Variants in PCDHGB1 observed in about 807,000 individuals in gnomAD.
The protein encoded by PCDHGB1 is protocadherin gamma subfamily B, 1, also known as protocadherin gamma-B1.
In PCDHGB1, 34 loss-of-function variants were observed where a neutral mutation model predicts 56.6. The ratio of observed to expected loss-of-function variants is 0.60; its 90% CI spans 0.46 to 0.80. PCDHGB1 has a LOEUF of 0.80. PCDHGB1 is among the 30% of genes least tolerant of loss of function. The pLI is 0.00. For missense variants in PCDHGB1, 1,278 were observed against 1,204.6 expected (o/e 1.06, Z -0.90); for synonymous variants, 561 against 505.9 (o/e 1.11, Z -1.46).
chr5:141,375,967 G>T, intron 1 of PCDHGB1: 2 of 1,613,372 alleles, frequency 1.2e-6, no homozygotes, highest in East Asian at 2.2e-5. Flanking sequence ...AGGTGCGCAC[G>T]GCGCGCGCCC....
intron 1 of PCDHGB1, chr5:141,400,146 C>A (rs1444566578): frequency 6.2e-7 from 1 of 1,614,080 alleles, no homozygotes; most frequent in South Asian, 1.1e-5. Flanking sequence ...ATATCACTGA[C>A]CGCCCTGTAC....
intron 1 of PCDHGB1, among the ~76,000 whole-genome samples, chr5:141,465,038 G>T (rs1297185291): frequency 6.6e-6 from 1 of 151,642 alleles, no homozygotes; most frequent in Non-Finnish European, 1.5e-5. Flanking sequence ...CACCACAAAT[G>T]ACCCTATATA....
intron 1 of PCDHGB1, chr5:141,375,931 T>G (rs746995876): frequency 2.5e-6 from 4 of 1,613,540 alleles, no homozygotes; most frequent in Non-Finnish European, 3.4e-6. Context: ...AGCCAGGACT[T>G]TTCTCAGTGG....
Position 141,487,323 on chromosome 5 carries a change from G to T in PCDHGB1, c.2410-7484G>T. The T allele has an allele frequency of 6.2e-7, 1 of 1,614,100 alleles. No homozygotes were observed. The highest frequency in any genetic ancestry group is 8.5e-7 in the Non-Finnish European group (1 of 1,180,004). On this transcript the variant is annotated intron_variant, in intron 1 of 3. Coordinates refer to ENST00000523390, the MANE Select transcript of PCDHGB1 (RefSeq NM_018922.3). This position sits in a 1 kb window ranked among gnomAD's most constrained non-coding sequence, Gnocchi z 5.0. ...GTGGCACTACTCTCTAAGTGTCTTC[G>T]TGGGGCAGCCTGTGGAGTCACATGC... is the stretch of plus-strand genomic sequence containing the variant.
chr5:141,368,284 GA>G lies in PCDHGB1; in HGVS notation c.2409+15616del, dbSNP rs536595269. ...CACATTAAAGAACCTAAGACCACTT[GA>G]TTTTTATTTTTTAAACACTGTTAAA... On this transcript the variant is annotated intron_variant, in intron 1 of 3. Transcript: ENST00000523390. Among the ~76,000 whole-genome samples the G allele has an allele frequency of 3.5e-4, 53 of 152,086 alleles. No homozygotes were observed. The East Asian group carries it at 0.01, about 29-fold the overall frequency.
At chr5:141,407,969 A>C (rs900029714) in intron 1 of PCDHGB1, 1 of 708,308 alleles carries the variant, frequency 1.4e-6, no homozygotes, top group Non-Finnish European at 2.2e-6. Flanking sequence ...GCAAGCGCTG[A>C]CGCCGGGGAT....
In PCDHGB1 at chr5:141,493,269, C is replaced by T. The variant is rs142898207; in HGVS notation, c.2410-1538C>T. ...ACATGCCTCTCTTATAACAGCTTCA[C>T]AGAGGTCAAGTGACTTGCTCAAGTT... is the stretch of plus-strand genomic sequence containing the variant. On this transcript the variant is annotated intron_variant, in intron 1 of 3. Coordinates refer to ENST00000523390, the MANE Select transcript of PCDHGB1 (RefSeq NM_018922.3). This position sits in a 1 kb window ranked among gnomAD's most constrained non-coding sequence, Gnocchi z 4.3. Among the ~76,000 whole-genome samples the T allele has an allele frequency of 1.3e-5, 2 of 152,322 alleles. No individual in the cohort carries two copies. The highest frequency in any genetic ancestry group is 4.8e-5 in the African/African-American group (2 of 41,570).
At chr5:141,366,512 G>A (rs1764605826) in intron 1 of PCDHGB1, 1 of 1,614,288 alleles carries the variant, frequency 6.2e-7, no homozygotes, top group Non-Finnish European at 8.5e-7. Context: ...GCTTCAGGCT[G>A]AAGGCAGCAG....
chr5:141,393,446 C>A (rs572838831), intron 1 of PCDHGB1: 1 of 1,614,038 alleles, frequency 6.2e-7, no homozygotes, highest in East Asian at 2.2e-5. Flanking sequence ...ACCACCTGGT[C>A]CTCACGGCCT....
At chr5:141,357,391 A>G (rs751497750) in intron 1 of PCDHGB1, 2 of 1,614,230 alleles carry the variant, frequency 1.2e-6, no homozygotes, top group South Asian at 1.1e-5. Flanking sequence ...TGAAGGCAGC[A>G]GGTTGGCAGG....
In PCDHGB1 at chr5:141,431,766, C is replaced by T. The variant is rs1474420822; in HGVS notation, c.2410-63041C>T. Reference sequence around the variant, plus strand: ...TCTGCGCGAGCCAAAGTCCTGATCACTGTTCTGGACGTGAACGACAATGCC... The same window carrying T: ...TCTGCGCGAGCCAAAGTCCTGATCATTGTTCTGGACGTGAACGACAATGCC... On this transcript the variant is annotated intron_variant, in intron 1 of 3. Transcript: ENST00000523390. The surrounding 1 kb of genome is among the most constrained non-coding windows in gnomAD (Gnocchi z 4.8). 2.5e-6 allele frequency: 4 copies of T among 1,614,196 alleles called. No individual in the cohort carries two copies. Among genetic ancestry groups the T allele is most frequent in the Non-Finnish European group, 3.4e-6 (4 of 1,180,010 alleles).
rs769353290 is a variant in PCDHGB1, at chr5:141,350,430, G to C, written c.170G>C (p.Arg57Pro). 5 of 1,610,124 alleles carry C rather than the reference G, an allele frequency of 3.1e-6. No individual in the cohort carries two copies. The highest frequency in any genetic ancestry group is 4.2e-6 in the Non-Finnish European group (5 of 1,176,706). The change falls in exon 1 of 4, where the codon CGG (arginine) becomes CCG (proline). Residue 57 changes from arginine to proline, a missense_variant. Transcript: ENST00000523390. ...KLAKDLGLSV[R>P]ELPTRKLRVS... ...GCCAAGGATCTGGGGCTCAGTGTCC[G>C]GGAGTTGCCAACTCGAAAACTGCGG...
intron 1 of PCDHGB1, chr5:141,428,120 C>T (rs756805763): frequency 3.7e-6 from 6 of 1,606,528 alleles, no homozygotes; most frequent in East Asian, 4.5e-5. Flanking sequence ...CCATCGAGCC[C>T]GGGCTTTTCA....
intron 1 of PCDHGB1, chr5:141,422,094 T>C: frequency 1.2e-6 from 2 of 1,610,648 alleles, no homozygotes; most frequent in Non-Finnish European, 1.7e-6. Flanking sequence ...AAAGCAAGGC[T>C]TCTGAAATAT....
intron 1 of PCDHGB1, chr5:141,382,797 G>A: frequency 5.0e-6 from 5 of 999,472 alleles, no homozygotes; most frequent in Non-Finnish European, 5.9e-6. Context: ...TATCCTGCTG[G>A]ATTCTGAGCT....
At chr5:141,362,623 C>T in intron 1 of PCDHGB1, 1 of 1,521,620 alleles carries the variant, frequency 6.6e-7, no homozygotes, top group Non-Finnish European at 8.8e-7. Flanking sequence ...TAGGAAGTTC[C>T]ACTGCGTATT....
In PCDHGB1 at chr5:141,431,321, G is replaced by A. The variant is rs112186927; in HGVS notation, c.2410-63486G>A. The A allele has an allele frequency of 1.2e-6, 2 of 1,613,938 alleles. No individual in the cohort carries two copies. The highest frequency in any genetic ancestry group is 1.3e-5 in the African/African-American group (1 of 74,910). ...CCTCATCGTGCAAAATGGAGCCGAC[G>A]GTAGTAAGTACCCCGAATTGGTGCT... is the stretch of plus-strand genomic sequence containing the variant. On this transcript the variant is annotated intron_variant, in intron 1 of 3. Transcript: ENST00000523390. The surrounding 1 kb of genome is among the most constrained non-coding windows in gnomAD (Gnocchi z 4.8).
chr5:141,390,404 G>T, intron 1 of PCDHGB1: 1 of 1,262,098 alleles, frequency 7.9e-7, no homozygotes. Flanking sequence ...TTTTAGGAAA[G>T]TTGTAGTCAG....
intron 1 of PCDHGB1, chr5:141,478,491 G>A: frequency 6.2e-7 from 1 of 1,613,152 alleles, no homozygotes; most frequent in Non-Finnish European, 8.5e-7. Flanking sequence ...CTGCGGAGCT[G>A]TGATCCGGTG....
Sources: gnomAD v4.1 joint callset for allele counts (sites outside exome capture counted in the v4.1 genomes callset) on GRCh38, gnomAD v4.1.1 for gene constraint, Gnocchi (gnomAD v3.1) non-coding constraint, MANE v1.5 for transcripts, NCBI Gene and HGNC (gene_info 2026-07-23, HGNC 2026-07-21) for gene names.